The following RIPOR1 variants were observed in gnomAD, a reference collection of about 807,000 sequenced individuals.
RIPOR1 encodes the protein RHO family interacting cell polarization regulator 1, also known as rho family-interacting cell polarization regulator 1.
Under a neutral mutation model 116.5 loss-of-function variants are expected in RIPOR1, and 58 were observed. The observed-to-expected ratio is 0.50, with a 90% CI of 0.40 to 0.62. The LOEUF is 0.62. Ranked by LOEUF, RIPOR1 falls within the 20% of genes least tolerant of loss-of-function variation. The pLI is 0.00. For synonymous variants in RIPOR1, 605 were observed against 650.0 expected (o/e 0.93, Z 1.05); for missense variants, 1,372 against 1,586.2 (o/e 0.86, Z 2.29).
intron 1 of RIPOR1, among the ~76,000 whole-genome samples, chr16:67,534,646 A>G (rs369811268): frequency 6.6e-6 from 1 of 152,104 alleles, no homozygotes; most frequent in Non-Finnish European, 1.5e-5. Flanking sequence ...GCTGACTTCT[A>G]TCACCATAGA....
At chr16:67,524,534 T>C (rs1266718964), upstream of RIPOR1, among the ~76,000 whole-genome samples, 2 of 152,280 alleles carry the variant, frequency 1.3e-5, no homozygotes, top group East Asian at 3.9e-4. Flanking sequence ...AGCTGCCTTC[T>C]GGACACTTCC....
chr16:67,538,736 A>G lies in RIPOR1; in HGVS notation c.169A>G (p.Arg57Gly), dbSNP rs2050881216. The change falls in exon 3 of 22, where the codon AGG (arginine) becomes GGG (glycine). Residue 57 changes from arginine to glycine, a missense_variant. Coordinates refer to ENST00000042381, the MANE Select transcript of RIPOR1 (RefSeq NM_024519.4). ...RKPPALSRVS[R>G]MFSVAHPAAK... ...GCCCCCCGCGCTCTCCCGAGTGTCC[A>G]GGATGTTTTCCGTGGCTCACCCAGC... 1 of 1,613,442 alleles carries G rather than the reference A, an allele frequency of 6.2e-7. No individual in the cohort carries two copies.
At position 67,537,094 on chromosome 16, in the gene RIPOR1, T is replaced by C. The variant is rs1160181940; in HGVS notation, c.-23-1330T>C. ...CATGTCCGGCTAATTTTTGTATTTTTAGTAGAGACGGGGTTTCACCTTGTT... is the reference window on the plus strand; with the variant it reads ...CATGTCCGGCTAATTTTTGTATTTTCAGTAGAGACGGGGTTTCACCTTGTT... On this transcript the variant is annotated intron_variant, in intron 1 of 21. Coordinates refer to ENST00000042381, the MANE Select transcript of RIPOR1 (RefSeq NM_024519.4). This position sits in a 1 kb window ranked among gnomAD's most constrained non-coding sequence, Gnocchi z 4.6. Among the ~76,000 whole-genome samples the C allele has an allele frequency of 6.6e-6, 1 of 152,144 alleles. No individual in the cohort carries two copies. The highest frequency in any genetic ancestry group is 6.5e-5 in the Admixed American group (1 of 15,278).
rs764596604 is a variant in RIPOR1, at chr16:67,542,387, C to CTTCAGGCCCT, written c.1601_1602insTTCAGGCCCT (p.Asp535SerfsTer23). The CTTCAGGCCCT allele has an allele frequency of 1.9e-6, 3 of 1,613,802 alleles. No homozygotes were observed. Among genetic ancestry groups the CTTCAGGCCCT allele is most frequent in the Non-Finnish European group, 2.5e-6 (3 of 1,179,964 alleles). On this transcript the variant is annotated frameshift_variant, in exon 13 of 22. Coordinates refer to ENST00000042381, the MANE Select transcript of RIPOR1 (RefSeq NM_024519.4). LOFTEE classifies it high-confidence loss of function. This position sits in a 1 kb window ranked among gnomAD's most constrained non-coding sequence, Gnocchi z 4.6. ...CACCTAGACTCAGTTCATAAGTCCA[C>CTTCAGGCCCT]AGACTCTGGCCCTTCAGAACTGCCA...
Position 67,541,896 on chromosome 16 carries a change from G to C in RIPOR1, c.1110G>C (p.Glu370Asp). Residue 370 changes from glutamate to aspartate, a missense_variant, in exon 13 of 22, where the codon GAG (glutamate) becomes GAC (aspartate). Physicochemically the swap from Glu to Asp is conservative, Grantham distance 45 (BLOSUM62 2). Around this residue, in one of 3 missense-constraint regions of RIPOR1, gnomAD observed 1,005 missense variants for 1,144.7 expected, o/e 0.88. Coordinates refer to ENST00000042381, the MANE Select transcript of RIPOR1 (RefSeq NM_024519.4). The surrounding 1 kb of genome is among the most constrained non-coding windows in gnomAD (Gnocchi z 4.6). The part of the protein sequence containing the change: ...YNMLRRQEEL[E>D]NGTAWSLSSE... ...TGCTGCGACGGCAGGAGGAGCTGGAGAATGGGACAGCATGGTCCCTGTCAT... is the reference window on the plus strand; with the variant it reads ...TGCTGCGACGGCAGGAGGAGCTGGACAATGGGACAGCATGGTCCCTGTCAT... 6.2e-7 allele frequency: 1 copy of C among 1,610,590 alleles called. No individual in the cohort carries two copies. Among genetic ancestry groups the C allele is most frequent in the Non-Finnish European group, 8.5e-7 (1 of 1,177,698 alleles).
At chr16:67,533,178 A>G (rs1008495848) in intron 1 of RIPOR1, among the ~76,000 whole-genome samples, 1 of 152,142 alleles carries the variant, frequency 6.6e-6, no homozygotes, top group Non-Finnish European at 1.5e-5. Context: ...GTCATGGAGA[A>G]GTTGAGACTA....
intron 1 of RIPOR1, among the ~76,000 whole-genome samples, chr16:67,521,210 A>G (rs575149381): frequency 1.3e-5 from 2 of 152,258 alleles, no homozygotes; most frequent in African/African-American, 4.8e-5. Context: ...AGCTGGCGGT[A>G]TTTTGCCAAG....
rs544967925 is a variant in RIPOR1, at chr16:67,538,031, G to A, written c.-23-393G>A. ...GGGCCCCGAGCTCCGGGTGCCCTGG[G>A]GGGGGAAATCGGGGGCAGGGCTGGG... is the stretch of plus-strand genomic sequence containing the variant. On this transcript the variant is annotated intron_variant, in intron 1 of 21. Transcript: ENST00000042381. The A allele has an allele frequency of 2.4e-5, 5 of 211,190 alleles. No homozygotes were observed. In the East Asian group the frequency reaches 3.0e-4, roughly 13 times the overall value. The allele number at this position is 211,190 out of a possible 1,614,324, so 13.1% of individuals were successfully genotyped here.
At chr16:67,526,306 A>G (rs1394257876), upstream of RIPOR1, among the ~76,000 whole-genome samples, 2 of 152,194 alleles carry the variant, frequency 1.3e-5, no homozygotes. Context: ...AGGGAGCTGC[A>G]GGCTGGGAGT....
chr16:67,522,664 T>C (rs1462915042), intron 1 of RIPOR1, among the ~76,000 whole-genome samples: 1 of 152,000 alleles, frequency 6.6e-6, no homozygotes, highest in Non-Finnish European at 1.5e-5. Context: ...TGAGTGCCTT[T>C]CCATGTTCAG....
intron 1 of RIPOR1, among the ~76,000 whole-genome samples, chr16:67,533,568 T>G (rs1185729474): frequency 1.3e-5 from 2 of 151,840 alleles, no homozygotes; most frequent in East Asian, 1.9e-4. Flanking sequence ...AAAGCTTTGC[T>G]GAGATCAAGC....
chr16:67,537,521 C>T lies in RIPOR1; in HGVS notation c.-23-903C>T. ...AGCCCAGCCGGGCGGCTCGAAGTGG[C>T]CAGGGCCGGAAGGTCCGCGGGGGGC... is the stretch of plus-strand genomic sequence containing the variant. On this transcript the variant is annotated intron_variant, in intron 1 of 21. Coordinates refer to ENST00000042381, the MANE Select transcript of RIPOR1 (RefSeq NM_024519.4). The surrounding 1 kb of genome is among the most constrained non-coding windows in gnomAD (Gnocchi z 4.6). 1 of 1,305,432 alleles carries T rather than the reference C, an allele frequency of 7.7e-7. No individual in the cohort carries two copies. Among genetic ancestry groups the T allele is most frequent in the Non-Finnish European group, 9.8e-7 (1 of 1,025,040 alleles). The allele number at this position is 1,305,432 out of a possible 1,614,324, so 80.9% of individuals were successfully genotyped here.
At position 67,538,981 on chromosome 16, in the gene RIPOR1, T is replaced by C; in HGVS notation, c.258-9T>C. On this transcript the variant is annotated splice_polypyrimidine_tract_variant and intron_variant, in intron 3 of 21. Transcript: ENST00000042381. ...CCGAGTTCATTCTTGTGGTCGCCCC[T>C]TTCCTCAGGGCCTACTTGGAAGTGC... 1 of 1,613,892 alleles carries C rather than the reference T, an allele frequency of 6.2e-7. No homozygotes were observed.
rs761417759 is a variant in RIPOR1, at chr16:67,545,524, C to T, written c.3180C>T (p.Thr1060=). The stretch of plus-strand genomic sequence containing the variant: ...CCATGGAGGCCTACGTGACTGAGAC[C>T]GCTGAGGAGGGTGAGGCGGTGGCCC... ...SPTMEAYVTE[T]AEEVLLVRNL... is the part of the protein sequence containing the mutation. Residue 1060 remains threonine (T), a synonymous_variant, in exon 18 of 22, where the codon ACC becomes ACT. Transcript: ENST00000042381. This position sits in a 1 kb window ranked among gnomAD's most constrained non-coding sequence, Gnocchi z 4.8. 60 of 1,613,910 alleles carry T rather than the reference C, an allele frequency of 3.7e-5. No individual in the cohort carries two copies. The highest frequency in any genetic ancestry group is 5.5e-5 in the South Asian group (5 of 91,084).
In RIPOR1 at chr16:67,546,497, C is replaced by T. The variant is rs1457691242; in HGVS notation, c.*34C>T. 2 of 1,576,766 alleles carry T rather than the reference C, an allele frequency of 1.3e-6. No homozygotes were observed. Among genetic ancestry groups the T allele is most frequent in the Non-Finnish European group, 8.7e-7 (1 of 1,148,244 alleles). On this transcript the variant is annotated 3_prime_UTR_variant, in exon 22 of 22. Transcript: ENST00000042381. ...CCCATGGGTTCCTGGTGCCCCTTTCCCCCCACTTTCAGGGCTCACCAGGCA... is the reference window on the plus strand; with the variant it reads ...CCCATGGGTTCCTGGTGCCCCTTTCTCCCCACTTTCAGGGCTCACCAGGCA...
In RIPOR1 at chr16:67,540,718, C is replaced by G. The variant is rs1469718084; in HGVS notation, c.801+14C>G. The G allele has an allele frequency of 3.1e-5, 49 of 1,570,042 alleles. No homozygotes were observed. Among genetic ancestry groups the G allele is most frequent in the Non-Finnish European group, 4.2e-5 (49 of 1,157,826 alleles). ...CTGTCTATTAAGGTGATGTCTCTGC[C>G]CAGGACGGCAGGCCACCATGGCCCT... On this transcript the variant is annotated intron_variant, in intron 10 of 21. Transcript: ENST00000042381. The surrounding 1 kb of genome is among the most constrained non-coding windows in gnomAD (Gnocchi z 4.7).
At chr16:67,539,931 G>T (rs1482997423) in intron 6 of RIPOR1, 32 bp downstream of exon 6, 8 of 1,613,972 alleles carry the variant, frequency 5.0e-6, no homozygotes, top group African/African-American at 1.3e-5. Context: ...AGAGTGGGGT[G>T]GGGGGTTGGA....
intron 1 of RIPOR1, among the ~76,000 whole-genome samples, chr16:67,521,408 C>T (rs1451825677): frequency 3.3e-5 from 5 of 152,236 alleles, no homozygotes; most frequent in Non-Finnish European, 7.3e-5. Context: ...TCTGTCAGAG[C>T]AGTTCACCTA....
Position 67,530,121 on chromosome 16 carries a change from G to T in RIPOR1, c.-24+1207G>T, listed in dbSNP as rs1597618474. 1.6e-5 allele frequency: 9 copies of T among 559,860 alleles called. No individual in the cohort carries two copies. The highest frequency in any genetic ancestry group is 2.6e-5 in the Non-Finnish European group (8 of 310,944). 34.7% of individuals were successfully genotyped at this position (559,860 alleles called of 1,614,324 possible). On this transcript the variant is annotated intron_variant, in intron 1 of 21. Transcript: ENST00000042381. The surrounding 1 kb of genome is among the most constrained non-coding windows in gnomAD (Gnocchi z 4.5). ...CCCCAGGGGTCTGGGTTTGGGTGCG[G>T]GTGAGGGGAGGACTCAGGACTCTGG...
Sources: allele counts gnomAD v4.1 joint callset (sites outside exome capture counted in the v4.1 genomes callset), GRCh38; gene constraint gnomAD v4.1.1; regional missense constraint gnomAD v4.1.1; non-coding constraint Gnocchi (gnomAD v3.1); transcripts MANE v1.5; gene names NCBI Gene and HGNC (gene_info 2026-07-23, HGNC 2026-07-21).